The following CHRDL1 variants were observed in gnomAD, a reference collection of about 807,000 sequenced individuals.
CHRDL1 encodes the protein chordin-like protein 1.
CHRDL1 carries 19 observed loss-of-function variants against 40.9 expected under a neutral mutation model. That is an observed-to-expected ratio of 0.46 (90% CI 0.32 to 0.68). The LOEUF is 0.68. CHRDL1 is among the 30% of genes least tolerant of loss of function. The probability of loss-of-function intolerance (pLI) is 0.03; values close to 1 mark genes in which losing one functional copy is unlikely to be tolerated. For missense variants in CHRDL1, 329 were observed against 352.1 expected (o/e 0.93, Z 0.53); for synonymous variants, 136 against 123.4 (o/e 1.10, Z -0.68).
At position 110,679,323 on chromosome X, in the gene CHRDL1, A is replaced by G. The variant is rs747312547; in HGVS notation, c.1246+13T>C. On this transcript the variant is annotated intron_variant, in intron 11 of 11. Coordinates refer to ENST00000372042, the MANE Select transcript of CHRDL1 (RefSeq NM_001143981.2). Reference sequence around the variant, plus strand: ...GTGTTTTTCAGGGAGCAGTCAAGAGAAGTACTACTTACTCAGGGTTGTTCT... The same window carrying G: ...GTGTTTTTCAGGGAGCAGTCAAGAGGAGTACTACTTACTCAGGGTTGTTCT... 51 of 1,133,690 alleles carry G rather than the reference A, an allele frequency of 4.5e-5. No individual in the cohort carries two copies. Among genetic ancestry groups the G allele is most frequent in the Non-Finnish European group, 5.5e-5 (45 of 825,680 alleles). 93.4% of individuals were successfully genotyped at this position (1,133,690 alleles called of 1,213,427 possible).
intron 2 of CHRDL1, among the ~76,000 whole-genome samples, chrX:110,771,341 G>A (rs1475780184): frequency 9.0e-6 from 1 of 111,461 alleles, no homozygotes; most frequent in African/African-American, 3.3e-5. Flanking sequence ...TTTAATGCAA[G>A]CTTTACACTG....
chrX:110,720,619 G>A (rs2070933613), intron 5 of CHRDL1, among the ~76,000 whole-genome samples: 1 of 111,612 alleles, frequency 9.0e-6, no homozygotes, highest in African/African-American at 3.3e-5. Flanking sequence ...CTAAACTACT[G>A]AGATACTATA....
chrX:110,691,263 G>A (rs1355243175), intron 8 of CHRDL1, among the ~76,000 whole-genome samples: 1 of 105,313 alleles, frequency 9.5e-6, no homozygotes, highest in Non-Finnish European at 1.9e-5. Context: ...TGCAGGCTGA[G>A]GGGCCTATAA....
At chrX:110,778,575 T>C (rs1051137220) in intron 2 of CHRDL1, among the ~76,000 whole-genome samples, 2 of 111,666 alleles carry the variant, frequency 1.8e-5, no homozygotes, top group African/African-American at 6.5e-5. Context: ...CCCATCAGAA[T>C]GGCTATTACT....
intron 4 of CHRDL1, 64 bp from the exon 5 acceptor site, chrX:110,721,594 C>T (rs1457625589): frequency 9.6e-5 from 93 of 972,603 alleles, no homozygotes; most frequent in Non-Finnish European, 1.4e-4. Context: ...TTCATAAATC[C>T]CAACAGCAGA....
In CHRDL1 at chrX:110,721,441, C is replaced by G. The variant is rs2070950590; in HGVS notation, c.391G>C (p.Ala131Pro). 1 of 1,206,583 alleles carries G rather than the reference C, an allele frequency of 8.3e-7. No homozygotes were observed. The highest frequency in any genetic ancestry group is 1.1e-6 in the Non-Finnish European group (1 of 891,969). The stretch of plus-strand genomic sequence containing the variant: ...TGCCGATTCTGAAAGAGCCCTTCAG[C>G]TACGAACAGCTCTCCATGTTGGTAA... ...TTYQHGELFV[A>P]EGLFQNRQPN... The change falls in exon 5 of 12, where the codon GCT becomes CCT. Residue 131 changes from alanine (A) to proline (P), a missense_variant. Coordinates refer to ENST00000372042, the MANE Select transcript of CHRDL1 (RefSeq NM_001143981.2).
At chrX:110,721,624 G>C in intron 4 of CHRDL1, 94 bp from the exon 5 acceptor site, 2 of 754,422 alleles carry the variant, frequency 2.7e-6, no homozygotes, top group Non-Finnish European at 4.1e-6. Flanking sequence ...ACTACATAGA[G>C]GGAGTTTTAA....
intron 4 of CHRDL1, among the ~76,000 whole-genome samples, chrX:110,728,005 G>T (rs764460103): frequency 9.0e-6 from 1 of 111,222 alleles, no homozygotes; most frequent in Non-Finnish European, 1.9e-5. Context: ...TTCTATAAAA[G>T]AATAAGTTCT....
chrX:110,767,754 C>A (rs1238310728), intron 2 of CHRDL1, among the ~76,000 whole-genome samples: 1 of 110,792 alleles, frequency 9.0e-6, no homozygotes, highest in African/African-American at 3.3e-5. Context: ...GGAAACACAC[C>A]CCATGTTCAT....
intron 6 of CHRDL1, among the ~76,000 whole-genome samples, chrX:110,704,215 T>C (rs1306776574): frequency 3.6e-5 from 4 of 111,647 alleles, no homozygotes; most frequent in Non-Finnish European, 5.6e-5. Flanking sequence ...ATTGCATGCC[T>C]GTATCAAAAC....
intron 6 of CHRDL1, among the ~76,000 whole-genome samples, chrX:110,704,112 ATAACT>A (rs1298086301): frequency 5.4e-5 from 6 of 111,328 alleles, no homozygotes; most frequent in African/African-American, 9.8e-5. Context: ...ACATTTTAAA[ATAACT>A]TAAAGAGTGT....
chrX:110,730,465 C>G (rs1398268258), intron 4 of CHRDL1, among the ~76,000 whole-genome samples: 1 of 111,781 alleles, frequency 8.9e-6, no homozygotes. Context: ...GCACCCCAGA[C>G]AGGTGGATTT....
In CHRDL1 at chrX:110,679,327, A is replaced by T. The variant is rs370847363; in HGVS notation, c.1246+9T>A. On this transcript the variant is annotated intron_variant, in intron 11 of 11. Coordinates refer to ENST00000372042, the MANE Select transcript of CHRDL1 (RefSeq NM_001143981.2). ...TTTTCAGGGAGCAGTCAAGAGAAGT[A>T]CTACTTACTCAGGGTTGTTCTGGTC... 8.7e-7 allele frequency: 1 copy of T among 1,149,426 alleles called. No individual in the cohort carries two copies. The highest frequency in any genetic ancestry group is 3.0e-5 in the East Asian group (1 of 33,543). The allele number at this position is 1,149,426 out of a possible 1,213,427, so 94.7% of individuals were successfully genotyped here.
chrX:110,692,986 G>C (rs1430051937), intron 8 of CHRDL1, among the ~76,000 whole-genome samples: 3 of 112,266 alleles, frequency 2.7e-5, no homozygotes, highest in Non-Finnish European at 5.6e-5. Context: ...TCAGAAAACT[G>C]CTTTTGATTT....
intron 11 of CHRDL1, among the ~76,000 whole-genome samples, chrX:110,679,101 T>C (rs113133272): frequency 2.7e-5 from 3 of 111,401 alleles, no homozygotes; most frequent in Non-Finnish European, 5.7e-5. Flanking sequence ...TGACCTGAGG[T>C]ATCCTATGCT....
Position 110,678,895 on chromosome X carries a change from A to T in CHRDL1, c.1246+441T>A, listed in dbSNP as rs746219188. Among the ~76,000 whole-genome samples the T allele has an allele frequency of 5.4e-5, 6 of 111,229 alleles. No homozygotes were observed. In the East Asian group the frequency reaches 1.4e-3, roughly 26 times the overall value. ...GACCACCCAGGGGCAGTTCCCCAGG[A>T]GTAAAAGTGCTTTCATATAACACAG... On this transcript the variant is annotated intron_variant, in intron 11 of 11. Transcript: ENST00000372042.
chrX:110,716,341 T>A (rs1305438635), intron 6 of CHRDL1, among the ~76,000 whole-genome samples: 3 of 110,100 alleles, frequency 2.7e-5, no homozygotes, highest in African/African-American at 9.9e-5. Flanking sequence ...ATCATTCCAA[T>A]CTAGTGTGCA....
chrX:110,763,590 C>A (rs750208499), intron 2 of CHRDL1, among the ~76,000 whole-genome samples: 14 of 107,747 alleles, frequency 1.3e-4, no homozygotes, highest in South Asian at 4.1e-4. Flanking sequence ...GTCTCTGTCT[C>A]TCTATCTATC....
Position 110,714,448 on chromosome X carries a change from T to C in CHRDL1, c.541+5387A>G, listed in dbSNP as rs969987585. On this transcript the variant is annotated intron_variant, in intron 6 of 11. Coordinates refer to ENST00000372042, the MANE Select transcript of CHRDL1 (RefSeq NM_001143981.2). ...TGAGAGCATGTCTTTTGCAGGAAGA[T>C]AGATGGAGTTGGAGGCTATCATCCT... Among the ~76,000 whole-genome samples the C allele has an allele frequency of 4.5e-5, 5 of 111,796 alleles. No homozygotes were observed. In the East Asian group the frequency reaches 1.1e-3, roughly 25 times the overall value.
Sources: allele counts gnomAD v4.1 joint callset (sites outside exome capture counted in the v4.1 genomes callset), GRCh38; gene constraint gnomAD v4.1.1; transcripts MANE v1.5; gene names NCBI Gene and HGNC (gene_info 2026-07-23, HGNC 2026-07-21).